Variants in HECTD4 observed in about 807,000 individuals in gnomAD.
HECTD4 encodes the protein HECT domain E3 ubiquitin protein ligase 4.
A neutral mutation model predicts 471.5 loss-of-function variants in HECTD4; 114 were observed. That is an observed-to-expected ratio of 0.24 (90% CI 0.21 to 0.28). The LOEUF is 0.28. Ranked by LOEUF, HECTD4 falls within the 10% of genes least tolerant of loss-of-function variation. HECTD4 has a pLI of 1.00. For synonymous variants in HECTD4, 2,012 were observed against 2,256.0 expected, an observed-to-expected ratio of 0.89 and a Z score of 3.07; for missense variants, 3,866 against 5,651.5, an observed-to-expected ratio of 0.68 and a Z score of 10.13.
intron 51 of HECTD4, among the ~76,000 whole-genome samples, 196 bp from the exon 52 acceptor site, chr12:112,208,196 C>T (rs748751471): frequency 4.6e-5 from 7 of 152,194 alleles, no homozygotes; most frequent in South Asian, 2.1e-4. Context: ...GCAAGCTCTT[C>T]GTTTCCCTCT....
In HECTD4 at chr12:112,256,326, A is replaced by G. The variant is rs765831155; in HGVS notation, c.3321T>C (p.Tyr1107=). The part of the protein sequence containing the change: ...FDSRCSSQYD[Y]DKLVIYAGPN... Reference sequence around the variant, plus strand: ...TAACCCAGTTCTTACTTACTTTGTCATAGTCATATTGCGAAGAGCATCTGC... The same window carrying G: ...TAACCCAGTTCTTACTTACTTTGTCGTAGTCATATTGCGAAGAGCATCTGC... The change falls in exon 21 of 76, where the codon TAT becomes TAC. Residue 1107 remains tyrosine, a synonymous_variant. Coordinates refer to ENST00000682272, the MANE Select transcript of HECTD4 (RefSeq NM_001388303.1). 7 of 1,594,108 alleles carry G rather than the reference A, an allele frequency of 4.4e-6. No individual in the cohort carries two copies. The highest frequency in any genetic ancestry group is 5.1e-6 in the Non-Finnish European group (6 of 1,172,008).
rs181634938 is a variant in HECTD4, at chr12:112,163,651, C to T, written c.12788G>A (p.Arg4263Gln). Residue 4263 changes from arginine (R) to glutamine (Q), a missense_variant, in exon 74 of 76, where the codon CGG becomes CAG. Physicochemically the swap from Arg to Gln is conservative, Grantham distance 43. This residue lies in a region of HECTD4 where 715 missense variants were observed against 1,087.6 expected (regional missense o/e 0.66). Coordinates refer to ENST00000682272, the MANE Select transcript of HECTD4 (RefSeq NM_001388303.1). The surrounding 1 kb of genome is among the most constrained non-coding windows in gnomAD (Gnocchi z 8.2). ...GGGGATGATGGAGCCCAGGCCGGCC[C>T]GCACGGCCGTCACGCACTCCACATT... is the stretch of plus-strand genomic sequence containing the variant. ...LQNVECVTAV[R>Q]AGLGSIIPLQ... 1.8e-4 allele frequency: 273 copies of T among 1,540,968 alleles called. 1 individual carries two copies. Among genetic ancestry groups the T allele is most frequent in the Admixed American group, 1.7e-3 (87 of 49,742 alleles).
chr12:112,376,902 CCGGAG>C (rs2036791362), intron 1 of HECTD4, among the ~76,000 whole-genome samples: 1 of 152,094 alleles, frequency 6.6e-6, no homozygotes, highest in African/African-American at 2.4e-5. Flanking sequence ...CACCTGAGGT[CCGGAG>C]TTCAAGACCA....
Position 112,239,128 on chromosome 12 carries a change from C to A in HECTD4, c.5214G>T (p.Lys1738Asn), listed in dbSNP as rs2033582836. 1 of 1,613,870 alleles carries A rather than the reference C, an allele frequency of 6.2e-7. No individual in the cohort carries two copies. The highest frequency in any genetic ancestry group is 1.3e-5 in the African/African-American group (1 of 74,942). The change falls in exon 34 of 76, where the codon AAG (lysine) becomes AAT (asparagine). Residue 1738 changes from lysine (K) to asparagine (N), a missense_variant. Physicochemically the swap from Lys to Asn is moderately conservative, Grantham distance 94 (BLOSUM62 0). Transcript: ENST00000682272. This position sits in a 1 kb window ranked among gnomAD's most constrained non-coding sequence, Gnocchi z 4.9. ...ESSSSEKQTK[K>N]QKVATMAWAA... is the part of the protein sequence containing the mutation. ...CCCAGGCCATGGTGGCCACCTTCTG[C>A]TTCTTGGTCTGTTTCTCACTGGAGC...
At chr12:112,360,588 A>C (rs1034080215) in intron 1 of HECTD4, among the ~76,000 whole-genome samples, 3 of 152,252 alleles carry the variant, frequency 2.0e-5, no homozygotes, top group African/African-American at 4.8e-5. Context: ...TGTATCATTA[A>C]GATGCACTTT....
chr12:112,193,729 G>T lies in HECTD4; in HGVS notation c.8750-55C>A. 1.3e-6 allele frequency: 2 copies of T among 1,486,998 alleles called. No homozygotes were observed. Among genetic ancestry groups the T allele is most frequent in the South Asian group, 1.2e-5 (1 of 83,092 alleles). 92.1% of individuals were successfully genotyped at this position (1,486,998 alleles called of 1,614,324 possible). ...AAGAATCAAAGCAGCCAGTAGCTGT[G>T]AGAGTCTAAGTAACAGAAAATGAAT... is the stretch of plus-strand genomic sequence containing the variant. On this transcript the variant is annotated intron_variant, in intron 56 of 75. Coordinates refer to ENST00000682272, the MANE Select transcript of HECTD4 (RefSeq NM_001388303.1). The surrounding 1 kb of genome is among the most constrained non-coding windows in gnomAD (Gnocchi z 5.2).
rs372372373 is a variant in HECTD4 at position 112,246,980 on chromosome 12, G to A, written c.4434C>T (p.Ala1478=). The change falls in exon 29 of 76, where the codon GCC becomes GCT. Residue 1478 remains alanine (A), a synonymous_variant. Coordinates refer to ENST00000682272, the MANE Select transcript of HECTD4 (RefSeq NM_001388303.1). ...KTLVKSLMNR[A]ELLLHVTIAA... ...CGATGGTGACATGCAGCAACAGCTC[G>A]GCTCGGTTCATTAAACTCTTCACTA... 8 of 1,612,058 alleles carry A rather than the reference G, an allele frequency of 5.0e-6. No homozygotes were observed. The highest frequency in any genetic ancestry group is 5.9e-6 in the Non-Finnish European group (7 of 1,179,814).
At chr12:112,308,435 CA>C (rs1044637619) in intron 6 of HECTD4, among the ~76,000 whole-genome samples, 18 of 53,198 alleles carry the variant, frequency 3.4e-4, no homozygotes, top group Non-Finnish European at 5.7e-4. Flanking sequence ...TCAAAAAAAG[CA>C]AAAAAAAAAA....
At position 112,246,942 on chromosome 12, in the gene HECTD4, C is replaced by T; in HGVS notation, c.4472G>A (p.Gly1491Asp). 3.1e-6 allele frequency: 5 copies of T among 1,612,180 alleles called. No individual in the cohort carries two copies. The highest frequency in any genetic ancestry group is 4.2e-6 in the Non-Finnish European group (5 of 1,179,838). Residue 1491 changes from glycine (G) to aspartate (D), a missense_variant, in exon 29 of 76, where the codon GGC becomes GAC. Around this residue, in one of 16 missense-constraint regions of HECTD4, gnomAD observed 49 missense variants for 43.6 expected, o/e 1.12. Transcript: ENST00000682272. ...GGTCCCAGAGATGCTTCTCGTGAGG[C>T]CCGACTGGGCTGCGATGGTGACATG... is the stretch of plus-strand genomic sequence containing the variant. ...LLHVTIAAQS[G>D]LTRSISGTPA...
rs2036402286 is a variant in HECTD4, at chr12:112,359,112, G to T, written c.177+22840C>A. On this transcript the variant is annotated intron_variant, in intron 1 of 75. Coordinates refer to ENST00000682272, the MANE Select transcript of HECTD4 (RefSeq NM_001388303.1). ...AATGGCGTGAATGCGGGAGGCAGAG[G>T]CTGCAATGAGTCGAGATGGGCCACT... 2.6e-5 allele frequency among the ~76,000 whole-genome samples: 4 copies of T among 151,774 alleles called. No homozygotes were observed. In the South Asian group the frequency reaches 6.2e-4, roughly 24 times the overall value.
Position 112,184,643 on chromosome 12 carries a change from G to C in HECTD4, c.10323C>G (p.Thr3441=), listed in dbSNP as rs1212387313. ...EIYIPLQEED[T]KKPKDKAEGG... The stretch of plus-strand genomic sequence containing the variant: ...CCTCGGCCTTGTCTTTTGGCTTCTT[G>C]GTGTCTTCTTCCTGCAGCGGGATGT... The change falls in exon 61 of 76, where the codon ACC becomes ACG. Residue 3441 remains threonine, a synonymous_variant. Coordinates refer to ENST00000682272, the MANE Select transcript of HECTD4 (RefSeq NM_001388303.1). This position sits in a 1 kb window ranked among gnomAD's most constrained non-coding sequence, Gnocchi z 9.1. 1.9e-6 allele frequency: 3 copies of C among 1,613,736 alleles called. No homozygotes were observed. In the Admixed American group the frequency reaches 5.0e-5, roughly 27 times the overall value.
At chr12:112,225,782 T>G (rs898432269) in intron 44 of HECTD4, among the ~76,000 whole-genome samples, 5 of 152,144 alleles carry the variant, frequency 3.3e-5, no homozygotes, top group Non-Finnish European at 7.4e-5. Flanking sequence ...AGTTAAACAC[T>G]GACTAGATAT....
At chr12:112,264,971 G>C (rs927271250) in intron 16 of HECTD4, among the ~76,000 whole-genome samples, 1 of 152,152 alleles carries the variant, frequency 6.6e-6, no homozygotes, top group Non-Finnish European at 1.5e-5. Flanking sequence ...CACCATGTTG[G>C]TCAGACTGGT....
intron 1 of HECTD4, among the ~76,000 whole-genome samples, chr12:112,321,048 T>C (rs2035576037): frequency 6.6e-6 from 1 of 152,170 alleles, no homozygotes; most frequent in African/African-American, 2.4e-5. Flanking sequence ...TTCGCCACAT[T>C]GGCCAGGCTG....
At chr12:112,275,636 A>T (rs963594841) in intron 9 of HECTD4, among the ~76,000 whole-genome samples, 2 of 151,958 alleles carry the variant, frequency 1.3e-5, no homozygotes, top group Non-Finnish European at 2.9e-5. Flanking sequence ...ATATATATAT[A>T]TGTATTAATT....
At chr12:112,321,095 C>T (rs967174571) in intron 1 of HECTD4, among the ~76,000 whole-genome samples, 3 of 152,002 alleles carry the variant, frequency 2.0e-5, no homozygotes, top group African/African-American at 2.4e-5. Flanking sequence ...CTGCCCACCT[C>T]GGCCTCCCAA....
rs546527564 is a variant in HECTD4 at position 112,347,434 on chromosome 12, C to T, written c.178-27692G>A. Among the ~76,000 whole-genome samples the T allele has an allele frequency of 6.6e-5, 10 of 152,142 alleles. No homozygotes were observed. The South Asian group carries it at 2.1e-3, about 32-fold the overall frequency. ...TGAGGCATAAGAATCGCTTGCAACC[C>T]GGGAGGCAGTGGTTGCAGTGAGCCA... On this transcript the variant is annotated intron_variant, in intron 1 of 75. Coordinates refer to ENST00000682272, the MANE Select transcript of HECTD4 (RefSeq NM_001388303.1).
At chr12:112,259,944 A>G (rs1308264966) in intron 18 of HECTD4, among the ~76,000 whole-genome samples, 4 of 147,684 alleles carry the variant, frequency 2.7e-5, no homozygotes, top group East Asian at 2.0e-4. Context: ...TCTTCCCCCA[A>G]TTTTTTTTTT....
At chr12:112,174,174 G>A (rs2031347608) in intron 66 of HECTD4, among the ~76,000 whole-genome samples, 1 of 151,424 alleles carries the variant, frequency 6.6e-6, no homozygotes, top group South Asian at 2.1e-4. Flanking sequence ...TCACCATGTT[G>A]GTCAGGTTGG....
Sources: gnomAD v4.1 joint callset for allele counts (sites outside exome capture counted in the v4.1 genomes callset) on GRCh38, gnomAD v4.1.1 for gene constraint, gnomAD v4.1.1 regional missense constraint, Gnocchi (gnomAD v3.1) non-coding constraint, MANE v1.5 for transcripts, NCBI Gene and HGNC (gene_info 2026-07-23, HGNC 2026-07-21) for gene names.